NMD3: variants seen among roughly 807,000 people sequenced by gnomAD.
The protein encoded by NMD3 is NMD3 ribosome export adaptor, also known as 60S ribosomal export protein NMD3.
Under a neutral mutation model 73.1 loss-of-function variants are expected in NMD3, and 47 were observed. The observed-to-expected ratio is 0.64, with a 90% CI of 0.51 to 0.82. NMD3 has a LOEUF of 0.82. Ranked by LOEUF, NMD3 falls within the 40% of genes least tolerant of loss-of-function variation. The probability of loss-of-function intolerance (pLI) is 0.00; values close to 1 mark genes in which losing one functional copy is unlikely to be tolerated. For missense variants in NMD3, 554 were observed against 612.5 expected, an observed-to-expected ratio of 0.90 and a Z score of 1.01; for synonymous variants, 210 against 194.5, an observed-to-expected ratio of 1.08 and a Z score of -0.66.
chr3:161,235,554 C>G (rs1430595879), intron 7 of NMD3, among the ~76,000 whole-genome samples: 2 of 152,072 alleles, frequency 1.3e-5, no homozygotes, highest in South Asian at 4.1e-4. Context: ...ATACTTCTGT[C>G]CAATCTTGCT....
chr3:161,233,160 C>T (rs1576847372), intron 4 of NMD3, among the ~76,000 whole-genome samples: 1 of 148,808 alleles, frequency 6.7e-6, no homozygotes, highest in East Asian at 2.0e-4. Flanking sequence ...TATGCAAATA[C>T]TTTAATTTTT....
In NMD3 at chr3:161,222,725, A is replaced by T. The variant is rs1458694235; in HGVS notation, c.44+668A>T. 2.6e-5 allele frequency among the ~76,000 whole-genome samples: 4 copies of T among 152,152 alleles called. 1 individual carries two copies. The Middle Eastern group carries it at 9.5e-3, about 361-fold the overall frequency. Reference sequence around the variant, plus strand: ...TAAATCTAAAATAAATTGGCTTCTTACCACAACTACCCTGTAAACATTGTA... The same window carrying T: ...TAAATCTAAAATAAATTGGCTTCTTTCCACAACTACCCTGTAAACATTGTA... On this transcript the variant is annotated intron_variant, in intron 2 of 15. Coordinates refer to ENST00000351193, the MANE Select transcript of NMD3 (RefSeq NM_015938.5).
chr3:161,225,029 A>T lies in NMD3; in HGVS notation c.144A>T (p.Lys48Asn). 6.2e-7 allele frequency: 1 copy of T among 1,614,006 alleles called. No homozygotes were observed. The highest frequency in any genetic ancestry group is 8.5e-7 in the Non-Finnish European group (1 of 1,179,990). The change falls in exon 3 of 16, where the codon AAA becomes AAT. Residue 48 changes from lysine to asparagine, a missense_variant. Coordinates refer to ENST00000351193, the MANE Select transcript of NMD3 (RefSeq NM_015938.5). ...SKVDISQGIP[K>N]QVSISFCKQC... ...TGGACATCAGCCAAGGTATTCCGAAACAAGTCTCGATTTCGTTCTGCAAAC... is the reference window on the plus strand; with the variant it reads ...TGGACATCAGCCAAGGTATTCCGAATCAAGTCTCGATTTCGTTCTGCAAAC...
chr3:161,236,207 TG>T (rs1306840845), intron 7 of NMD3, among the ~76,000 whole-genome samples: 2 of 152,188 alleles, frequency 1.3e-5, no homozygotes, highest in Non-Finnish European at 2.9e-5. Context: ...TTCATTCTTT[TG>T]GGTACATACT....
chr3:161,246,557 G>A, intron 12 of NMD3, 109 bp downstream of exon 12: 1 of 454,032 alleles, frequency 2.2e-6, no homozygotes, highest in Non-Finnish European at 4.0e-6. Flanking sequence ...AAAGATCGAA[G>A]GGTTCTTAGG....
chr3:161,232,411 C>G (rs1258513998), intron 4 of NMD3, among the ~76,000 whole-genome samples: 2 of 152,108 alleles, frequency 1.3e-5, no homozygotes, highest in Non-Finnish European at 2.9e-5. Context: ...TTTTATAGAT[C>G]TCCAGACCAA....
chr3:161,230,813 C>T (rs1428307302), intron 4 of NMD3, among the ~76,000 whole-genome samples: 2 of 152,158 alleles, frequency 1.3e-5, no homozygotes, highest in Admixed American at 6.5e-5. Context: ...GAATTCTCCT[C>T]TGGTTCCTTC....
Position 161,233,412 on chromosome 3 carries a change from A to G in NMD3, c.290A>G (p.Asp97Gly), listed in dbSNP as rs756756792. ...GTTTTATTGAAGGTACGGCTTGTAGATGCAGGCTTTGTTTGGACTGAGCCT... is the reference window on the plus strand; with the variant it reads ...GTTTTATTGAAGGTACGGCTTGTAGGTGCAGGCTTTGTTTGGACTGAGCCT... ...KAPLSKVRLV[D>G]AGFVWTEPHS... The change falls in exon 5 of 16, where the codon GAT (aspartate) becomes GGT (glycine). Residue 97 changes from aspartate (D) to glycine (G), a missense_variant. Asp to Gly is a moderately conservative substitution (Grantham distance 94, BLOSUM62 -1). Transcript: ENST00000351193. 2.5e-6 allele frequency: 4 copies of G among 1,610,206 alleles called. No individual in the cohort carries two copies. Among genetic ancestry groups the G allele is most frequent in the Admixed American group, 1.7e-5 (1 of 59,728 alleles).
chr3:161,227,152 C>T, intron 3 of NMD3, 95 bp from the exon 4 acceptor site: 3 of 643,810 alleles, frequency 4.7e-6, no homozygotes, highest in South Asian at 1.9e-5. Flanking sequence ...TTTATTATGC[C>T]TGGTTAATAA....
rs1483815197 is a variant in NMD3, at chr3:161,252,140, A to G, written c.*1230A>G. ...TGTTAAAATTGTGGATCTAAAAGCC[A>G]TATCCTGTCTTTGGTGGTGGCCTGG... On this transcript the variant is annotated 3_prime_UTR_variant, in exon 16 of 16. Coordinates refer to ENST00000351193, the MANE Select transcript of NMD3 (RefSeq NM_015938.5). 6.6e-6 allele frequency: 1 copy of G among 152,128 alleles called. No homozygotes were observed. The highest frequency in any genetic ancestry group is 1.9e-4 in the East Asian group (1 of 5,180). The allele number at this position is 152,128 out of a possible 1,614,324, so 9.4% of individuals were successfully genotyped here.
intron 10 of NMD3, 140 bp from the exon 11 acceptor site, chr3:161,242,368 A>G (rs1032859742): frequency 1.6e-6 from 1 of 642,324 alleles, no homozygotes; most frequent in Admixed American, 2.9e-5. Flanking sequence ...GTAATTGATG[A>G]CCCTAAGGAG....
At chr3:161,240,649 C>T (rs1436754437) in intron 9 of NMD3, among the ~76,000 whole-genome samples, 4 of 150,806 alleles carry the variant, frequency 2.7e-5, no homozygotes, top group Admixed American at 6.6e-5. Flanking sequence ...CTCAGCCTCC[C>T]AAGTAGCTAG....
At chr3:161,235,332 GA>G (rs200498371) in intron 7 of NMD3, 120 bp downstream of exon 7, 17,717 of 299,172 alleles carry the variant, frequency 0.059, no homozygotes, top group Middle Eastern at 0.086. Context: ...TTTCTGTTAG[GA>G]AAAAAAAAAA....
At chr3:161,248,023 T>C in intron 13 of NMD3, among the ~76,000 whole-genome samples, 1 of 151,770 alleles carries the variant, frequency 6.6e-6, no homozygotes, top group South Asian at 2.1e-4. Flanking sequence ...TGGCTTCAAG[T>C]GATCCTCCCA....
intron 3 of NMD3, among the ~76,000 whole-genome samples, chr3:161,226,768 T>A (rs1368356703): frequency 6.6e-6 from 1 of 152,230 alleles, no homozygotes; most frequent in Non-Finnish European, 1.5e-5. Context: ...TGTTTTACAA[T>A]TTACAATTTG....
At chr3:161,249,221 A>G (rs1310094424) in intron 13 of NMD3, among the ~76,000 whole-genome samples, 1 of 152,190 alleles carries the variant, frequency 6.6e-6, no homozygotes, top group Non-Finnish European at 1.5e-5. Flanking sequence ...TCACTGAAAA[A>G]TTTTAGCAAA....
chr3:161,238,955 C>G, intron 9 of NMD3, 129 bp downstream of exon 9: 1 of 508,002 alleles, frequency 2.0e-6, no homozygotes, highest in Non-Finnish European at 3.5e-6. Flanking sequence ...CCTTAAGTGA[C>G]TTCTAACACA....
At chr3:161,225,691 A>G (rs988369369) in intron 3 of NMD3, among the ~76,000 whole-genome samples, 6 of 152,174 alleles carry the variant, frequency 3.9e-5, no homozygotes, top group African/African-American at 1.4e-4. Flanking sequence ...GTAAAAGTGT[A>G]TGCCTGTTAT....
rs1560065746 is a variant in NMD3, at chr3:161,229,292, A to C, written c.276+1949A>C. 3.9e-5 allele frequency among the ~76,000 whole-genome samples: 6 copies of C among 152,290 alleles called. No individual in the cohort carries two copies. The South Asian group carries it at 1.2e-3, about 32-fold the overall frequency. On this transcript the variant is annotated intron_variant, in intron 4 of 15. Transcript: ENST00000351193. ...GCTGTTTTTAGAATGGTTGTAAGGGAGGTAAAGGTGTTTAAGTTTTTGTAA... is the reference window on the plus strand; with the variant it reads ...GCTGTTTTTAGAATGGTTGTAAGGGCGGTAAAGGTGTTTAAGTTTTTGTAA...
Sources: allele counts gnomAD v4.1 joint callset (sites outside exome capture counted in the v4.1 genomes callset), GRCh38; gene constraint gnomAD v4.1.1; transcripts MANE v1.5; gene names NCBI Gene and HGNC (gene_info 2026-07-23, HGNC 2026-07-21).